CCDC192: variants seen among roughly 807,000 people sequenced by gnomAD.
CCDC192 encodes coiled-coil domain containing 192.
chr5:127,807,711 C>G (rs1248337293), intron 5 of CCDC192, among the ~76,000 whole-genome samples: 1 of 152,124 alleles, frequency 6.6e-6, no homozygotes, highest in African/African-American at 2.4e-5. Context: ...AACCAGAGAG[C>G]TCTGTGCTTC....
chr5:127,707,660 G>A (rs1197571796), intron 1 of CCDC192, 49 bp from the exon 2 acceptor site: 1 of 397,818 alleles, frequency 2.5e-6, no homozygotes, highest in Non-Finnish European at 4.4e-6. Flanking sequence ...GTGCGCACAT[G>A]AGAGCCTGAA....
At chr5:127,825,299 A>G (rs6894229) in intron 5 of CCDC192, among the ~76,000 whole-genome samples, 3,971 of 152,328 alleles carry the variant, frequency 0.026, 171 homozygotes, top group African/African-American at 0.091. Context: ...TTAGATCATC[A>G]AGAGTACAAC....
chr5:127,727,530 T>C (rs1752400693), intron 2 of CCDC192, among the ~76,000 whole-genome samples: 1 of 150,108 alleles, frequency 6.7e-6, no homozygotes, highest in Non-Finnish European at 1.5e-5. Flanking sequence ...AACAACAGCG[T>C]CAACAAAAAG....
In CCDC192 at chr5:127,825,902, G is replaced by A. The variant is rs549403998; in HGVS notation, c.411+27740G>A. ...CTACTTCTATGAACATGAACAAGTA[G>A]TTGATTTTTGGTTTTTAATTGTTGC... On this transcript the variant is annotated intron_variant, in intron 5 of 6. Transcript: ENST00000514853. 1.7e-3 allele frequency among the ~76,000 whole-genome samples: 260 copies of A among 152,258 alleles called. No individual in the cohort carries two copies. The Middle Eastern group carries it at 0.02, about 12-fold the overall frequency.
intron 6 of CCDC192, among the ~76,000 whole-genome samples, chr5:127,914,409 T>C (rs1753459200): frequency 6.6e-6 from 1 of 152,194 alleles, no homozygotes; most frequent in Non-Finnish European, 1.5e-5. Context: ...GTATCAAATA[T>C]AATAATATTT....
intron 6 of CCDC192, among the ~76,000 whole-genome samples, chr5:127,889,374 T>C (rs865968235): frequency 6.7e-6 from 1 of 150,130 alleles, no homozygotes; most frequent in East Asian, 2.0e-4. Flanking sequence ...TGCATATTTC[T>C]TTTTTTTTCC....
At chr5:127,710,973 T>G (rs907488592) in intron 2 of CCDC192, among the ~76,000 whole-genome samples, 33 of 152,204 alleles carry the variant, frequency 2.2e-4, no homozygotes, top group African/African-American at 7.5e-4. Flanking sequence ...TTATTTAAAC[T>G]ATTGCTTTTG....
chr5:127,936,562 A>G (rs1372352018), intron 6 of CCDC192, among the ~76,000 whole-genome samples: 1 of 143,982 alleles, frequency 6.9e-6, no homozygotes, highest in Non-Finnish European at 1.5e-5. Flanking sequence ...GTCCTGACTT[A>G]CATCTATTTT....
intron 6 of CCDC192, among the ~76,000 whole-genome samples, chr5:127,876,408 A>C (rs1416789767): frequency 2.0e-5 from 3 of 152,212 alleles, no homozygotes; most frequent in Non-Finnish European, 4.4e-5. Context: ...TTCCCTAAGA[A>C]TAAGCAGAGG....
At chr5:127,937,621 T>A (rs1480794256) in intron 6 of CCDC192, among the ~76,000 whole-genome samples, 1 of 152,242 alleles carries the variant, frequency 6.6e-6, no homozygotes, top group African/African-American at 2.4e-5. Flanking sequence ...CCACCCCATC[T>A]GTAGTACTTT....
chr5:127,911,150 A>T (rs1753333946), intron 6 of CCDC192, among the ~76,000 whole-genome samples: 1 of 152,250 alleles, frequency 6.6e-6, no homozygotes, highest in Admixed American at 6.5e-5. Context: ...TTCACAAGGC[A>T]TGCATTGAGT....
rs186301386 is a variant in CCDC192 at position 127,927,894 on chromosome 5, A to G, written c.536-13288A>G. ...TGTTGCTGCTATGACAAATTATAGT[A>G]TAACAGTAGCTTAAAATGACACAAA... On this transcript the variant is annotated intron_variant, in intron 6 of 6. Transcript: ENST00000514853. 4.0e-4 allele frequency among the ~76,000 whole-genome samples: 60 copies of G among 149,146 alleles called. 1 individual carries two copies. Among genetic ancestry groups the G allele is most frequent in the Non-Finnish European group, 7.7e-4 (52 of 67,490 alleles).
chr5:127,751,207 T>C (rs1754143426), intron 2 of CCDC192, among the ~76,000 whole-genome samples: 1 of 151,986 alleles, frequency 6.6e-6, no homozygotes, highest in Non-Finnish European at 1.5e-5. Flanking sequence ...TTCTTCCTAG[T>C]CTCGATGGTC....
At position 127,719,528 on chromosome 5, in the gene CCDC192, C is replaced by T. The variant is rs7703275; in HGVS notation, c.114+11768C>T. On this transcript the variant is annotated intron_variant, in intron 2 of 6. Coordinates refer to ENST00000514853, the MANE Select transcript of CCDC192 (RefSeq NM_001317938.2). The stretch of plus-strand genomic sequence containing the variant: ...ATACATATATATATATATATATACA[C>T]ACATACATATATATATATATATATA... Among the ~76,000 whole-genome samples the T allele has an allele frequency of 2.9e-3, 152 of 51,534 alleles. 4 individuals carry two copies. Among genetic ancestry groups the T allele is most frequent in the African/African-American group, 0.013 (143 of 11,432 alleles). The allele number at this position is 51,534 out of a possible 152,430, so 33.8% of individuals were successfully genotyped here.
intron 6 of CCDC192, among the ~76,000 whole-genome samples, chr5:127,884,342 CAAAAAAAAAAAAAAA>C (rs778430655): frequency 8.4e-5 from 1 of 11,842 alleles, no homozygotes; most frequent in Non-Finnish European, 1.8e-4. Flanking sequence ...GACTCCGTCT[CAAAAAAAAAAAAAAA>C]AAAAAAAAAA....
intron 2 of CCDC192, among the ~76,000 whole-genome samples, chr5:127,728,336 C>G (rs934639924): frequency 1.3e-5 from 2 of 152,196 alleles, no homozygotes; most frequent in African/African-American, 4.8e-5. Context: ...ATCAGACTAA[C>G]AGAGGACCTC....
chr5:127,753,573 G>A (rs1372595037), intron 2 of CCDC192, among the ~76,000 whole-genome samples: 1 of 151,940 alleles, frequency 6.6e-6, no homozygotes, highest in South Asian at 2.1e-4. Context: ...GCGCGTGCCT[G>A]TAATCTCCAG....
chr5:127,926,646 A>C (rs1394716447), intron 6 of CCDC192, among the ~76,000 whole-genome samples: 1 of 152,208 alleles, frequency 6.6e-6, no homozygotes, highest in Non-Finnish European at 1.5e-5. Context: ...GATAAGCTTC[A>C]GAGGTTAGAT....
At chr5:127,714,796 T>A (rs890470692) in intron 2 of CCDC192, among the ~76,000 whole-genome samples, 7 of 152,190 alleles carry the variant, frequency 4.6e-5, no homozygotes, top group African/African-American at 1.7e-4. Flanking sequence ...CATTCATTAT[T>A]TTTTGTCTTT....
Sources: gnomAD v4.1 joint callset for allele counts (sites outside exome capture counted in the v4.1 genomes callset) on GRCh38, gnomAD v4.1.1 for gene constraint, MANE v1.5 for transcripts, NCBI Gene and HGNC (gene_info 2026-07-23, HGNC 2026-07-21) for gene names.